Variants in NCOA7 observed in about 807,000 individuals in gnomAD.
NCOA7 encodes 140 kDa estrogen receptor-associated protein.
In NCOA7, 45 loss-of-function variants were observed where a neutral mutation model predicts 104.3. The observed-to-expected ratio is 0.43, with a 90% CI of 0.34 to 0.55. NCOA7 has a LOEUF of 0.55. NCOA7 is among the 20% of genes least tolerant of loss of function. The pLI is 0.02. For missense variants in NCOA7, 1,041 were observed against 1,119.7 expected (o/e 0.93, Z 1.00); for synonymous variants, 398 against 402.3 (o/e 0.99, Z 0.13).
chr6:125,915,602 G>C (rs1786997505), intron 11 of NCOA7, 122 bp downstream of exon 11: 4 of 1,216,950 alleles, frequency 3.3e-6, no homozygotes, highest in African/African-American at 1.5e-5. Flanking sequence ...TGAAATTACA[G>C]AGGAAAATAA....
Position 125,928,852 on chromosome 6 carries a change from C to T in NCOA7, c.*81C>T, listed in dbSNP as rs377218164. ...TAAAGCTGGCTGGAAAAAGAAGCCC[C>T]AGCCCAGCCTGCCTCATCCCACCCC... On this transcript the variant is annotated 3_prime_UTR_variant, in exon 16 of 16. Coordinates refer to ENST00000392477, the MANE Select transcript of NCOA7 (RefSeq NM_181782.5). 1.3e-6 allele frequency: 2 copies of T among 1,486,684 alleles called. No individual in the cohort carries two copies. The highest frequency in any genetic ancestry group is 2.7e-5 in the South Asian group (2 of 74,454). 92.1% of individuals were successfully genotyped at this position (1,486,684 alleles called of 1,614,324 possible). A position where few individuals can be genotyped will look rare whatever the true frequency, so the allele number is the denominator to read the frequency against.
rs183835927 is a variant in NCOA7 at position 125,899,406 on chromosome 6, C to G, written c.2096+8596C>G. Among the ~76,000 whole-genome samples the G allele has an allele frequency of 1.5e-4, 23 of 152,288 alleles. No individual in the cohort carries two copies. In the East Asian group the frequency reaches 3.5e-3, roughly 23 times the overall value. On this transcript the variant is annotated intron_variant, in intron 10 of 15. Transcript: ENST00000392477. ...CTCCTGGTGCCAAGAAGACCATAAT[C>G]TTGAACATTTTTTAGTACTGTACTT... is the stretch of plus-strand genomic sequence containing the variant.
At chr6:125,881,276 T>C in intron 6 of NCOA7, 73 bp downstream of exon 6, 1 of 1,094,660 alleles carries the variant, frequency 9.1e-7, no homozygotes, top group East Asian at 2.4e-5. Flanking sequence ...CAACATGTTA[T>C]TTTTCACAAG....
chr6:125,866,201 T>C (rs1241563416), intron 3 of NCOA7, among the ~76,000 whole-genome samples: 2 of 151,594 alleles, frequency 1.3e-5, no homozygotes, highest in East Asian at 2.0e-4. Flanking sequence ...TGGTGGCACA[T>C]GCCTGTAATC....
At chr6:125,914,936 G>A (rs937499744) in intron 10 of NCOA7, among the ~76,000 whole-genome samples, 41 of 152,220 alleles carry the variant, frequency 2.7e-4, no homozygotes, top group African/African-American at 8.9e-4. Context: ...ATAAAGACCC[G>A]TTGTAGTATT....
chr6:125,875,675 G>A (rs369236131), intron 4 of NCOA7, among the ~76,000 whole-genome samples: 11 of 152,098 alleles, frequency 7.2e-5, no homozygotes, highest in Non-Finnish European at 1.2e-4. Context: ...TAACATTCTC[G>A]TAGAATCATG....
intron 11 of NCOA7, chr6:125,919,457 T>C: frequency 6.2e-7 from 1 of 1,607,596 alleles, no homozygotes; most frequent in East Asian, 2.2e-5. Context: ...TCCCGAGGGC[T>C]AATAAGGTGC....
At chr6:125,891,410 A>C (rs991816851) in intron 10 of NCOA7, among the ~76,000 whole-genome samples, 7 of 152,230 alleles carry the variant, frequency 4.6e-5, no homozygotes, top group Middle Eastern at 3.2e-3. Flanking sequence ...ACAGTATATC[A>C]CTGAGGATGT....
At chr6:125,878,408 T>A in intron 5 of NCOA7, 38 bp downstream of exon 5, 1 of 1,458,032 alleles carries the variant, frequency 6.9e-7, no homozygotes, top group Non-Finnish European at 9.4e-7. Context: ...CTAGAAATTC[T>A]GCATTTATCT....
At chr6:125,887,717 TA>T (rs1290216065) in intron 8 of NCOA7, among the ~76,000 whole-genome samples, 3 of 152,206 alleles carry the variant, frequency 2.0e-5, no homozygotes, top group African/African-American at 7.2e-5. Flanking sequence ...AAATAGCAGA[TA>T]AAGTTTTATC....
At chr6:125,875,801 T>G (rs1783323235) in intron 4 of NCOA7, among the ~76,000 whole-genome samples, 1 of 152,250 alleles carries the variant, frequency 6.6e-6, no homozygotes, top group African/African-American at 2.4e-5. Context: ...GACATCTCTT[T>G]GTTCACCATT....
chr6:125,880,367 T>C (rs908393903), intron 5 of NCOA7, among the ~76,000 whole-genome samples: 4 of 152,074 alleles, frequency 2.6e-5, no homozygotes, highest in African/African-American at 9.7e-5. Flanking sequence ...CTTATACTAT[T>C]AGTCTCCCAC....
At chr6:125,810,032 G>T (rs1343187880) in intron 1 of NCOA7, 1 of 152,150 alleles carries the variant, frequency 6.6e-6, no homozygotes, top group East Asian at 1.9e-4. Flanking sequence ...AATCCAGTCT[G>T]GTGTACACTC....
chr6:125,841,715 A>T (rs989501970), intron 2 of NCOA7, among the ~76,000 whole-genome samples: 1 of 152,142 alleles, frequency 6.6e-6, no homozygotes, highest in Non-Finnish European at 1.5e-5. Flanking sequence ...AATTTAGAGT[A>T]GGTACTACCA....
chr6:125,882,532 G>T lies in NCOA7; in HGVS notation c.680G>T (p.Arg227Leu). Residue 227 changes from arginine to leucine, a missense_variant, in exon 7 of 16, where the codon CGA becomes CTA. Transcript: ENST00000392477. ...GTGAAATTTTTAAAAATGAATTGTCGATACTTCACCGATGGAAAGGTATAT... is the reference window on the plus strand; with the variant it reads ...GTGAAATTTTTAAAAATGAATTGTCTATACTTCACCGATGGAAAGGTATAT... ...GVVKFLKMNC[R>L]YFTDGKGVVG... 6.2e-7 allele frequency: 1 copy of T among 1,612,860 alleles called. No homozygotes were observed. The highest frequency in any genetic ancestry group is 8.5e-7 in the Non-Finnish European group (1 of 1,179,412).
At chr6:125,831,462 C>T (rs1359440874) in intron 2 of NCOA7, among the ~76,000 whole-genome samples, 1 of 150,516 alleles carries the variant, frequency 6.6e-6, no homozygotes, top group Non-Finnish European at 1.5e-5. Flanking sequence ...TTTTTTATTT[C>T]TTTTGAAAAC....
At chr6:125,878,174 T>TTATTCA (rs1783533702) in intron 4 of NCOA7, 89 bp from the exon 5 acceptor site, 2 of 650,548 alleles carry the variant, frequency 3.1e-6, no homozygotes, top group East Asian at 6.1e-5. Context: ...AGTTTGTTAT[T>TTATTCA]TATTCATATT....
chr6:125,805,468 T>G (rs1286962771), intron 1 of NCOA7, among the ~76,000 whole-genome samples: 1 of 152,186 alleles, frequency 6.6e-6, no homozygotes, highest in Non-Finnish European at 1.5e-5. Context: ...TGTGTAGTAA[T>G]AGCCCACCCT....
Position 125,889,362 on chromosome 6 carries a change from G to A in NCOA7, c.1308G>A (p.Leu436=). The A allele has an allele frequency of 6.2e-7, 1 of 1,614,130 alleles. No homozygotes were observed. Among genetic ancestry groups the A allele is most frequent in the African/African-American group, 1.3e-5 (1 of 75,060 alleles). The change falls in exon 9 of 16, where the codon TTG becomes TTA. Residue 436 remains leucine, a synonymous_variant. Coordinates refer to ENST00000392477, the MANE Select transcript of NCOA7 (RefSeq NM_181782.5). ...TGGGMHKKDT[L]KECLSLDPEE... ...GTGGAATGCACAAAAAAGACACCTT[G>A]AAGGAGTGCCTTTCTCTTGACCCAG...
Sources: gnomAD v4.1 joint callset for allele counts (sites outside exome capture counted in the v4.1 genomes callset) on GRCh38, gnomAD v4.1.1 for gene constraint, MANE v1.5 for transcripts, NCBI Gene and HGNC (gene_info 2026-07-23, HGNC 2026-07-21) for gene names.